The following MGAT5 variants were observed in gnomAD, a reference collection of about 807,000 sequenced individuals.
The protein encoded by MGAT5 is alpha-1,6-mannosylglycoprotein 6-beta-N-acetylglucosaminyltransferase A.
A neutral mutation model predicts 94.3 loss-of-function variants in MGAT5; 30 were observed. The ratio of observed to expected loss-of-function variants is 0.32; its 90% CI spans 0.24 to 0.43. MGAT5 has a LOEUF of 0.43. Among genes scored for constraint, MGAT5 ranks in the 20% least tolerant of loss-of-function variants. The probability of loss-of-function intolerance (pLI) is 1.00; values close to 1 mark genes in which losing one functional copy is unlikely to be tolerated. For missense variants in MGAT5, 691 were observed against 905.5 expected, an observed-to-expected ratio of 0.76 and a Z score of 3.04; for synonymous variants, 310 against 322.9, an observed-to-expected ratio of 0.96 and a Z score of 0.43.
intron 1 of MGAT5, among the ~76,000 whole-genome samples, chr2:134,183,790 C>T (rs191863124): frequency 6.6e-5 from 10 of 152,316 alleles, no homozygotes; most frequent in Admixed American, 6.5e-4. Context: ...CGGGCTGGCT[C>T]GCTCATGTTG....
At chr2:134,335,739 C>T (rs572383915) in intron 4 of MGAT5, among the ~76,000 whole-genome samples, 1 of 152,240 alleles carries the variant, frequency 6.6e-6, no homozygotes, top group Non-Finnish European at 1.5e-5. Flanking sequence ...CAGTGGCATT[C>T]CTAACTCAGA....
intron 10 of MGAT5, among the ~76,000 whole-genome samples, chr2:134,389,518 C>T (rs1302347593): frequency 6.6e-6 from 1 of 152,156 alleles, no homozygotes; most frequent in Non-Finnish European, 1.5e-5. Context: ...TATGCTTTCC[C>T]AGCTGAACTA....
intron 2 of MGAT5, among the ~76,000 whole-genome samples, chr2:134,273,160 CA>C (rs1573670341): frequency 6.6e-6 from 1 of 152,110 alleles, no homozygotes; most frequent in East Asian, 1.9e-4. Context: ...TCTTGTCAGT[CA>C]ACTACATATT....
At chr2:134,295,227 T>C (rs1315497019) in intron 2 of MGAT5, among the ~76,000 whole-genome samples, 1 of 151,880 alleles carries the variant, frequency 6.6e-6, no homozygotes, top group Non-Finnish European at 1.5e-5. Flanking sequence ...AAAAGAACAA[T>C]GAGAATGGCC....
chr2:134,224,249 G>T (rs944419262), intron 1 of MGAT5, among the ~76,000 whole-genome samples: 2 of 152,190 alleles, frequency 1.3e-5, no homozygotes, highest in African/African-American at 4.8e-5. Context: ...TTCATGATCT[G>T]TGGGAAGTTT....
chr2:134,186,740 G>T (rs911189803), intron 1 of MGAT5, among the ~76,000 whole-genome samples: 1 of 152,154 alleles, frequency 6.6e-6, no homozygotes, highest in Non-Finnish European at 1.5e-5. Flanking sequence ...GTCAGTGATG[G>T]CATCATCAAA....
At chr2:134,209,016 A>T (rs1680160182) in intron 1 of MGAT5, among the ~76,000 whole-genome samples, 1 of 152,186 alleles carries the variant, frequency 6.6e-6, no homozygotes, top group Non-Finnish European at 1.5e-5. Flanking sequence ...GGCCTTGTGC[A>T]TGGGAAGACC....
chr2:134,159,026 CAT>C (rs1687608342), intron 1 of MGAT5, among the ~76,000 whole-genome samples: 1 of 152,170 alleles, frequency 6.6e-6, no homozygotes, highest in Non-Finnish European at 1.5e-5. Flanking sequence ...ATGTTGATTA[CAT>C]GTTTTACATG....
chr2:134,265,041 G>A (rs1432821680), intron 1 of MGAT5, among the ~76,000 whole-genome samples: 4 of 152,168 alleles, frequency 2.6e-5, no homozygotes, highest in South Asian at 2.1e-4. Flanking sequence ...CTGCAGATCC[G>A]GATTTAGTGT....
intron 1 of MGAT5, among the ~76,000 whole-genome samples, chr2:134,203,847 GT>G (rs1679911607): frequency 6.6e-6 from 1 of 152,178 alleles, no homozygotes; most frequent in African/African-American, 2.4e-5. Flanking sequence ...TTAGGCACTT[GT>G]TTAAGTTGGC....
intron 1 of MGAT5, among the ~76,000 whole-genome samples, chr2:134,245,731 G>A (rs1682221268): frequency 6.6e-6 from 1 of 152,174 alleles, no homozygotes; most frequent in South Asian, 2.1e-4. Context: ...GCAGAACCTG[G>A]GAATAGAGAG....
At chr2:134,219,151 T>C (rs60775436) in intron 1 of MGAT5, among the ~76,000 whole-genome samples, 1,546 of 152,222 alleles carry the variant, frequency 0.01, 32 homozygotes, top group African/African-American at 0.035. Flanking sequence ...GCGAGCCACC[T>C]GTCGGGGTGC....
At chr2:134,161,739 TC>T (rs1333855671) in intron 1 of MGAT5, among the ~76,000 whole-genome samples, 1 of 152,228 alleles carries the variant, frequency 6.6e-6, no homozygotes. Context: ...TCTCAGCACT[TC>T]CGGCTCTCCT....
intron 1 of MGAT5, among the ~76,000 whole-genome samples, chr2:134,124,756 A>C (rs796319565): frequency 6.6e-6 from 1 of 152,214 alleles, no homozygotes; most frequent in South Asian, 2.1e-4. Flanking sequence ...TGGTGCTTGC[A>C]ATAGGTTTAC....
intron 1 of MGAT5, among the ~76,000 whole-genome samples, chr2:134,229,175 CTCAGAA>C (rs1236497217): frequency 2.0e-5 from 3 of 152,150 alleles, no homozygotes; most frequent in Non-Finnish European, 4.4e-5. Flanking sequence ...TTGTGGAAGA[CTCAGAA>C]ATGGGCAAAA....
intron 2 of MGAT5, among the ~76,000 whole-genome samples, chr2:134,297,714 A>C (rs1410488969): frequency 6.6e-6 from 1 of 152,188 alleles, no homozygotes; most frequent in Non-Finnish European, 1.5e-5. Flanking sequence ...TAGGAAAAAC[A>C]TACAGGTTAA....
intron 1 of MGAT5, among the ~76,000 whole-genome samples, chr2:134,215,762 T>G (rs1353297466): frequency 6.6e-6 from 1 of 152,172 alleles, no homozygotes; most frequent in African/African-American, 2.4e-5. Context: ...GGGGTACACA[T>G]GTTTAGCAAT....
chr2:134,347,528 G>A (rs1451378199), intron 8 of MGAT5, among the ~76,000 whole-genome samples: 1 of 152,116 alleles, frequency 6.6e-6, no homozygotes, highest in African/African-American at 2.4e-5. Flanking sequence ...AGAGTATATC[G>A]TTAGCATTTT....
chr2:134,161,273 A>G (rs981925677), intron 1 of MGAT5, among the ~76,000 whole-genome samples: 15 of 152,240 alleles, frequency 9.9e-5, no homozygotes, highest in African/African-American at 3.6e-4. Flanking sequence ...AGCTGGAGCC[A>G]GGCCAGTGTG....
Sources: gnomAD v4.1 joint callset for allele counts (sites outside exome capture counted in the v4.1 genomes callset) on GRCh38, gnomAD v4.1.1 for gene constraint, MANE v1.5 for transcripts, NCBI Gene and HGNC (gene_info 2026-07-23, HGNC 2026-07-21) for gene names.